ACSL1: variants seen among roughly 807,000 people sequenced by gnomAD.
ACSL1 encodes the protein long-chain-fatty-acid--CoA ligase 1.
ACSL1 carries 41 observed loss-of-function variants against 98.4 expected under a neutral mutation model. The ratio of observed to expected loss-of-function variants is 0.42; its 90% CI spans 0.32 to 0.54. The LOEUF (loss-of-function observed/expected upper bound fraction) is 0.54, where lower values mean the gene tolerates loss of function less well. Among genes scored for constraint, ACSL1 ranks in the 20% least tolerant of loss-of-function variants. The pLI is 0.13. For missense variants in ACSL1, 734 were observed against 883.1 expected (o/e 0.83, Z 2.14); for synonymous variants, 316 against 322.7 (o/e 0.98, Z 0.22).
intron 1 of ACSL1, among the ~76,000 whole-genome samples, chr4:184,819,451 C>T (rs1001505129): frequency 6.6e-6 from 1 of 152,020 alleles, no homozygotes; most frequent in Non-Finnish European, 1.5e-5. Flanking sequence ...CCTAGATGTA[C>T]TCAACACAAA....
chr4:184,767,263 CAGAG>C lies in ACSL1; in HGVS notation c.1129-511_1129-508del, dbSNP rs374982223. On this transcript the variant is annotated intron_variant, in intron 12 of 20. Coordinates refer to ENST00000281455, the MANE Select transcript of ACSL1 (RefSeq NM_001995.5). ...CACCACTGCACTCTAGCCTGGATGA[CAGAG>C]AGAGAGACCCTGTCTCAAAAAAAAA... 2.8e-3 allele frequency among the ~76,000 whole-genome samples: 367 copies of C among 128,924 alleles called. 3 individuals carry two copies. Among genetic ancestry groups the C allele is most frequent in the African/African-American group, 0.01 (346 of 33,306 alleles). 84.6% of individuals were successfully genotyped at this position (128,924 alleles called of 152,430 possible). A position where few individuals can be genotyped will look rare whatever the true frequency, so the allele number is the denominator to read the frequency against.
rs1762667036 is a variant in ACSL1, at chr4:184,760,227, A to T, written c.1782+130T>A. ...AACAAAAATCAGTAACAGGTCAATGATATTCTAGCAGATTAGACATGAAAG... is the reference window on the plus strand; with the variant it reads ...AACAAAAATCAGTAACAGGTCAATGTTATTCTAGCAGATTAGACATGAAAG... On this transcript the variant is annotated intron_variant, in intron 18 of 20. Transcript: ENST00000281455. 3 of 1,051,054 alleles carry T rather than the reference A, an allele frequency of 2.9e-6. No individual in the cohort carries two copies. In the Admixed American group the frequency reaches 7.1e-5, roughly 25 times the overall value. The allele number at this position is 1,051,054 out of a possible 1,614,324, so 65.1% of individuals were successfully genotyped here.
intron 2 of ACSL1, among the ~76,000 whole-genome samples, chr4:184,791,848 C>T (rs1474236234): frequency 1.3e-5 from 2 of 152,104 alleles, no homozygotes; most frequent in Non-Finnish European, 1.5e-5. Flanking sequence ...AGAAGAAAAA[C>T]TGTCCCCTTT....
rs1317580324 is a variant in ACSL1, at chr4:184,768,322, A to C, written c.1122T>G (p.Phe374Leu). 1.1e-5 allele frequency: 18 copies of C among 1,611,638 alleles called. No homozygotes were observed. The highest frequency in any genetic ancestry group is 1.5e-5 in the Non-Finnish European group (18 of 1,179,436). Residue 374 changes from phenylalanine (F) to leucine (L), a missense_variant, in exon 12 of 21, where the codon TTT becomes TTG. By Grantham distance (22) the Phe-to-Leu change is conservative. Coordinates refer to ENST00000281455, the MANE Select transcript of ACSL1 (RefSeq NM_001995.5). Reference protein sequence around the residue: ...PVVPRLLNRMFDRIFGQANTT... With the variant: ...PVVPRLLNRMLDRIFGQANTT... ...TTCGCTGCTTGGAACTTACTCGGTC[A>C]AACATCCGGTTCAGCAGTCTTGGAA...
intron 6 of ACSL1, 72 bp downstream of exon 6, chr4:184,776,812 G>A (rs41278587): frequency 0.023 from 35,273 of 1,538,382 alleles, 506 homozygotes; most frequent in Middle Eastern, 0.036. Context: ...CAAATCAAAT[G>A]TAAGCAAATG....
intron 2 of ACSL1, among the ~76,000 whole-genome samples, chr4:184,797,761 G>A (rs888340792): frequency 5.9e-5 from 9 of 152,186 alleles, no homozygotes; most frequent in African/African-American, 1.4e-4. Context: ...CAAGGGGTCC[G>A]AGCGGTACTT....
intron 1 of ACSL1, among the ~76,000 whole-genome samples, chr4:184,823,148 G>T (rs1773197902): frequency 6.6e-6 from 1 of 152,156 alleles, no homozygotes; most frequent in South Asian, 2.1e-4. Context: ...TGACTACCAA[G>T]TTGGACTGCC....
intron 1 of ACSL1, chr4:184,812,078 CAA>C: frequency 1.6e-6 from 1 of 634,004 alleles, no homozygotes; most frequent in Non-Finnish European, 2.0e-6. Context: ...CTATGAGAAG[CAA>C]TCAGTCCTTC....
chr4:184,756,988 A>AGAACCCCGAATGGACAAGTCAAACAC lies in ACSL1; in HGVS notation c.*111_*136dup, dbSNP rs1762191674. On this transcript the variant is annotated 3_prime_UTR_variant, in exon 21 of 21. Coordinates refer to ENST00000281455, the MANE Select transcript of ACSL1 (RefSeq NM_001995.5). ...TCTTTCCTCTAGCATTCCTATGAGAAGAACCCCGAATGGACAAGTCAAACA... is the reference window on the plus strand; with the variant it reads ...TCTTTCCTCTAGCATTCCTATGAGAAGAACCCCGAATGGACAAGTCAAACACGAACCCCGAATGGACAAGTCAAACA... 1 of 1,115,354 alleles carries AGAACCCCGAATGGACAAGTCAAACAC rather than the reference A, an allele frequency of 9.0e-7. No individual in the cohort carries two copies. Among genetic ancestry groups the AGAACCCCGAATGGACAAGTCAAACAC allele is most frequent in the Non-Finnish European group, 1.2e-6 (1 of 802,612 alleles). 69.1% of individuals were successfully genotyped at this position (1,115,354 alleles called of 1,614,324 possible).
intron 7 of ACSL1, among the ~76,000 whole-genome samples, chr4:184,774,247 G>A (rs1273660824): frequency 9.9e-5 from 15 of 152,030 alleles, no homozygotes; most frequent in Non-Finnish European, 1.8e-4. Context: ...TAACCATAAC[G>A]AGATACTGCA....
intron 7 of ACSL1, among the ~76,000 whole-genome samples, chr4:184,775,173 G>C (rs1384890266): frequency 1.3e-5 from 2 of 152,090 alleles, no homozygotes; most frequent in Non-Finnish European, 2.9e-5. Flanking sequence ...TTTTGAGATG[G>C]AGTCTCGCTC....
chr4:184,763,099 A>C, intron 16 of ACSL1, 68 bp downstream of exon 16: 1 of 1,515,316 alleles, frequency 6.6e-7, no homozygotes, highest in East Asian at 2.3e-5. Context: ...GAAATACCAC[A>C]GCATTCGCAA....
At position 184,770,272 on chromosome 4, in the gene ACSL1, A is replaced by T. The variant is rs1314541658; in HGVS notation, c.993+127T>A. 5 of 1,545,264 alleles carry T rather than the reference A, an allele frequency of 3.2e-6. No individual in the cohort carries two copies. In the African/African-American group the frequency reaches 5.5e-5, roughly 17 times the overall value. Reference sequence around the variant, plus strand: ...ACACTTACCTTCAATAACTGTTCATAAATGTGAGCAAGTGGTAAATATGAA... The same window carrying T: ...ACACTTACCTTCAATAACTGTTCATTAATGTGAGCAAGTGGTAAATATGAA... On this transcript the variant is annotated intron_variant, in intron 11 of 20. Coordinates refer to ENST00000281455, the MANE Select transcript of ACSL1 (RefSeq NM_001995.5).
At chr4:184,769,715 A>C (rs1211296327) in intron 11 of ACSL1, among the ~76,000 whole-genome samples, 1 of 152,246 alleles carries the variant, frequency 6.6e-6, no homozygotes, top group East Asian at 1.9e-4. Context: ...CCAACACAGC[A>C]GAGGGCACAC....
At chr4:184,763,112 G>A (rs1579835218) in intron 16 of ACSL1, 55 bp downstream of exon 16, 3 of 1,576,846 alleles carry the variant, frequency 1.9e-6, no homozygotes, top group East Asian at 2.2e-5. Flanking sequence ...ATTCGCAAAG[G>A]CCAGCGATCA....
At chr4:184,798,711 A>G (rs1446010064) in intron 2 of ACSL1, 1 of 152,370 alleles carries the variant, frequency 6.6e-6, no homozygotes, top group East Asian at 1.9e-4. Context: ...TCCAATCCAG[A>G]GCAGGGCCAG....
intron 11 of ACSL1, 76 bp from the exon 12 acceptor site, chr4:184,768,526 T>C: frequency 6.6e-7 from 1 of 1,526,440 alleles, no homozygotes. Context: ...ACATCCAACA[T>C]TTCAGTTTTA....
intron 1 of ACSL1, chr4:184,814,965 G>A: frequency 2.2e-6 from 1 of 454,966 alleles, no homozygotes; most frequent in Non-Finnish European, 4.4e-6. Flanking sequence ...CTTAGTTCCT[G>A]ACAATCAGAA....
intron 3 of ACSL1, among the ~76,000 whole-genome samples, chr4:184,785,615 G>T (rs867950765): frequency 3.4e-5 from 1 of 29,740 alleles, no homozygotes; most frequent in African/African-American, 7.0e-5. Flanking sequence ...GCGGGGGGGG[G>T]GGGGGGAAGG....
Sources: gnomAD v4.1 joint callset for allele counts (sites outside exome capture counted in the v4.1 genomes callset) on GRCh38, gnomAD v4.1.1 for gene constraint, MANE v1.5 for transcripts, NCBI Gene and HGNC (gene_info 2026-07-23, HGNC 2026-07-21) for gene names.